Variants in RALGPS2 observed in about 807,000 individuals in gnomAD.
The protein encoded by RALGPS2 is Ral GEF with PH domain and SH3 binding motif 2, also known as ras-specific guanine nucleotide-releasing factor RalGPS2.
RALGPS2 carries 43 observed loss-of-function variants against 86.8 expected under a neutral mutation model. The ratio of observed to expected loss-of-function variants is 0.50; its 90% CI spans 0.39 to 0.64. The LOEUF is 0.64. Among genes scored for constraint, RALGPS2 ranks in the 30% least tolerant of loss-of-function variants. RALGPS2 has a pLI of 0.00. For synonymous variants in RALGPS2, 243 were observed against 231.3 expected (o/e 1.05, Z -0.46); for missense variants, 536 against 694.6 (o/e 0.77, Z 2.57).
At chr1:178,756,912 T>G (rs1320668817) in intron 1 of RALGPS2, among the ~76,000 whole-genome samples, 7 of 152,210 alleles carry the variant, frequency 4.6e-5, no homozygotes, top group African/African-American at 1.4e-4. Context: ...TTTTGATTCT[T>G]TCAAACCAGC....
At chr1:178,913,400 T>C (rs1660696771) in intron 19 of RALGPS2, among the ~76,000 whole-genome samples, 1 of 152,198 alleles carries the variant, frequency 6.6e-6, no homozygotes, top group East Asian at 1.9e-4. Flanking sequence ...TTGGATTGTT[T>C]TACTGTTTTC....
intron 8 of RALGPS2, among the ~76,000 whole-genome samples, chr1:178,862,610 T>C (rs1328823584): frequency 1.8e-4 from 27 of 150,968 alleles, no homozygotes; most frequent in Non-Finnish European, 3.2e-4. Context: ...TATTTATTTA[T>C]TTATTTATTT....
At chr1:178,787,196 T>G (rs1010940751) in intron 4 of RALGPS2, among the ~76,000 whole-genome samples, 2 of 152,130 alleles carry the variant, frequency 1.3e-5, no homozygotes, top group Non-Finnish European at 2.9e-5. Context: ...CAAATTACGT[T>G]TTTGACCTAA....
chr1:178,757,600 T>G (rs1253154958), intron 1 of RALGPS2, among the ~76,000 whole-genome samples: 1 of 152,180 alleles, frequency 6.6e-6, no homozygotes, highest in Non-Finnish European at 1.5e-5. Context: ...CATTTATTGA[T>G]TTGTGTATGT....
At chr1:178,893,700 GT>G (rs1481750186) in intron 15 of RALGPS2, 15 of 380,810 alleles carry the variant, frequency 3.9e-5, no homozygotes, top group Non-Finnish European at 6.6e-5. Flanking sequence ...AATAAAGTGT[GT>G]TTTTTAACCA....
At chr1:178,872,379 A>G (rs1041227677) in intron 8 of RALGPS2, among the ~76,000 whole-genome samples, 3 of 152,214 alleles carry the variant, frequency 2.0e-5, no homozygotes, top group African/African-American at 2.4e-5. Context: ...AATATAAATC[A>G]GTGAAGTAAA....
chr1:178,876,669 T>C (rs960958176), intron 8 of RALGPS2, among the ~76,000 whole-genome samples: 1 of 152,150 alleles, frequency 6.6e-6, no homozygotes, highest in Non-Finnish European at 1.5e-5. Context: ...AGTAATGGGG[T>C]AAAAGTAGGA....
chr1:178,907,572 CAGTT>C (rs1457275310), intron 19 of RALGPS2, among the ~76,000 whole-genome samples: 1 of 152,160 alleles, frequency 6.6e-6, no homozygotes, highest in Non-Finnish European at 1.5e-5. Flanking sequence ...CCCTGTTGCA[CAGTT>C]AGAGTTGAAC....
intron 7 of RALGPS2, among the ~76,000 whole-genome samples, chr1:178,822,265 C>T (rs1655542655): frequency 6.6e-6 from 1 of 152,080 alleles, no homozygotes; most frequent in Non-Finnish European, 1.5e-5. Context: ...ATTTTGACCT[C>T]TGCAAATTTG....
At position 178,881,609 on chromosome 1, in the gene RALGPS2, C is replaced by G. The variant is rs185858206; in HGVS notation, c.837-1857C>G. On this transcript the variant is annotated intron_variant, in intron 10 of 19. Coordinates refer to ENST00000367635, the MANE Select transcript of RALGPS2 (RefSeq NM_152663.5). ...GGGATTACAGGTGCCCGCCATCATG[C>G]CCGGCTAATTTTTGTATTTTTAGTA... Among the ~76,000 whole-genome samples the G allele has an allele frequency of 3.2e-4, 48 of 152,168 alleles. No homozygotes were observed. In the South Asian group the frequency reaches 3.5e-3, roughly 11 times the overall value.
intron 7 of RALGPS2, among the ~76,000 whole-genome samples, chr1:178,823,833 G>A (rs1430148949): frequency 1.3e-5 from 2 of 152,186 alleles, no homozygotes; most frequent in African/African-American, 2.4e-5. Context: ...CATGTGAAAT[G>A]TAAGGTCAGA....
chr1:178,812,847 C>T (rs79077012), intron 6 of RALGPS2, among the ~76,000 whole-genome samples: 2,073 of 151,802 alleles, frequency 0.014, 25 homozygotes, highest in Admixed American at 0.033. Flanking sequence ...GGTGGCAGAG[C>T]TAGCCTTCTA....
chr1:178,894,107 A>C, intron 16 of RALGPS2, 83 bp downstream of exon 16: 1 of 790,272 alleles, frequency 1.3e-6, no homozygotes, highest in Non-Finnish European at 2.0e-6. Flanking sequence ...TAAAACAATT[A>C]AAATAAAACC....
intron 1 of RALGPS2, among the ~76,000 whole-genome samples, chr1:178,732,732 G>GTT (rs74263842): frequency 1.4e-5 from 2 of 141,462 alleles, no homozygotes; most frequent in African/African-American, 2.6e-5. Context: ...AGTTTTCTAA[G>GTT]TTTTTTTTTT....
At position 178,837,120 on chromosome 1, in the gene RALGPS2, T is replaced by C. The variant is rs141604445; in HGVS notation, c.607+3570T>C. ...CTTACTCTATATAATCGGAGTGGTC[T>C]CATTCAGGTTTTTTCTGTATATTGC... On this transcript the variant is annotated intron_variant, in intron 8 of 19. Transcript: ENST00000367635. Among the ~76,000 whole-genome samples, 134 of 152,322 alleles carry C rather than the reference T, an allele frequency of 8.8e-4. 1 individual carries two copies. The East Asian group carries it at 0.015, about 17-fold the overall frequency.
At chr1:178,781,839 T>G (rs1374390603) in intron 2 of RALGPS2, among the ~76,000 whole-genome samples, 1 of 152,200 alleles carries the variant, frequency 6.6e-6, no homozygotes, top group Admixed American at 6.5e-5. Context: ...TTATTAGTTT[T>G]GGGATGTAAA....
chr1:178,811,466 A>T, intron 6 of RALGPS2, 62 bp downstream of exon 6: 1 of 1,150,218 alleles, frequency 8.7e-7, no homozygotes, highest in Non-Finnish European at 1.2e-6. Context: ...GTAAGTGAAT[A>T]AATATTCGTG....
intron 6 of RALGPS2, 40 bp from the exon 7 acceptor site, chr1:178,821,572 C>G (rs1278264137): frequency 1.1e-5 from 17 of 1,506,054 alleles, no homozygotes; most frequent in Non-Finnish European, 1.6e-5. Flanking sequence ...TCATGTTGTT[C>G]TTTTTCATCC....
At chr1:178,798,496 G>T (rs550955563) in intron 4 of RALGPS2, among the ~76,000 whole-genome samples, 1 of 152,306 alleles carries the variant, frequency 6.6e-6, no homozygotes, top group East Asian at 1.9e-4. Flanking sequence ...TGGTGGAAGT[G>T]CTTCTAAGAA....
Sources: allele counts gnomAD v4.1 joint callset (sites outside exome capture counted in the v4.1 genomes callset), GRCh38; gene constraint gnomAD v4.1.1; transcripts MANE v1.5; gene names NCBI Gene and HGNC (gene_info 2026-07-23, HGNC 2026-07-21).